The following FARS2 variants were observed in gnomAD, a reference collection of about 807,000 sequenced individuals.
The protein encoded by FARS2 is phenylalanyl-tRNA synthetase 2, mitochondrial, also known as phenylalanine--tRNA ligase, mitochondrial.
Under a neutral mutation model 46.4 loss-of-function variants are expected in FARS2, and 40 were observed. That is an observed-to-expected ratio of 0.86 (90% CI 0.67 to 1.12). The LOEUF (loss-of-function observed/expected upper bound fraction) is 1.12. Ranked by LOEUF, FARS2 falls within the 50% of genes most tolerant of loss-of-function variation. The pLI, the probability that FARS2 is intolerant of heterozygous loss-of-function variation, is 0.00. For missense variants in FARS2, 513 were observed against 567.9 expected (o/e 0.90, Z 0.98); for synonymous variants, 234 against 214.9 (o/e 1.09, Z -0.78).
intron 4 of FARS2, among the ~76,000 whole-genome samples, chr6:5,440,565 GA>G (rs558014512): frequency 6.0e-4 from 92 of 152,168 alleles, no homozygotes; most frequent in African/African-American, 2.2e-3. Flanking sequence ...AGGCACACTG[GA>G]AAAAAAGTAC....
Position 5,409,448 on chromosome 6 carries a change from C to CA in FARS2, c.772+4758dup, listed in dbSNP as rs879831031. 1.9e-3 allele frequency among the ~76,000 whole-genome samples: 266 copies of CA among 141,450 alleles called. 1 individual carries two copies. Among genetic ancestry groups the CA allele is most frequent in the South Asian group, 7.2e-3 (32 of 4,422 alleles). The allele number at this position is 141,450 out of a possible 152,430, so 92.8% of individuals were successfully genotyped here. ...CCTGGGCAACAGAGCGAGACTGACT[C>CA]AAAAAAAAAAAGAAACTTAAATTTT... On this transcript the variant is annotated intron_variant, in intron 3 of 6. Coordinates refer to ENST00000274680, the MANE Select transcript of FARS2 (RefSeq NM_006567.5).
intron 6 of FARS2, among the ~76,000 whole-genome samples, chr6:5,622,608 G>A (rs1314315134): frequency 6.6e-6 from 1 of 152,126 alleles, no homozygotes; most frequent in Non-Finnish European, 1.5e-5. Context: ...CTTCCACCTT[G>A]GGGAGGACAC....
intron 3 of FARS2, among the ~76,000 whole-genome samples, chr6:5,417,091 G>C (rs982625261): frequency 6.6e-6 from 1 of 152,178 alleles, no homozygotes; most frequent in Non-Finnish European, 1.5e-5. Flanking sequence ...CTTCTGCACA[G>C]CAGAAGGTCT....
At chr6:5,397,403 T>G (rs1014354181) in intron 2 of FARS2, among the ~76,000 whole-genome samples, 3 of 152,148 alleles carry the variant, frequency 2.0e-5, no homozygotes, top group Admixed American at 2.0e-4. Flanking sequence ...ACCCATAGAA[T>G]GTACAACTCC....
At chr6:5,500,661 A>C (rs2150380042) in intron 4 of FARS2, among the ~76,000 whole-genome samples, 1 of 152,316 alleles carries the variant, frequency 6.6e-6, no homozygotes, top group Non-Finnish European at 1.5e-5. Context: ...GGAGTTAGAC[A>C]AACCTAGGTT....
chr6:5,663,032 C>T (rs1014379892), intron 6 of FARS2, among the ~76,000 whole-genome samples: 1 of 152,156 alleles, frequency 6.6e-6, no homozygotes, highest in Admixed American at 6.5e-5. Flanking sequence ...GCTGCCTCCA[C>T]GTGTTGCAGT....
intron 4 of FARS2, among the ~76,000 whole-genome samples, chr6:5,526,742 G>T (rs147905053): frequency 8.4e-4 from 128 of 152,046 alleles, no homozygotes; most frequent in African/African-American, 3.0e-3. Context: ...TCAGTCTCCC[G>T]AGTAACTGGG....
At chr6:5,656,791 C>G (rs969233123) in intron 6 of FARS2, among the ~76,000 whole-genome samples, 1 of 152,158 alleles carries the variant, frequency 6.6e-6, no homozygotes, top group Non-Finnish European at 1.5e-5. Context: ...TCAAGTGATC[C>G]ACCCTCCTCG....
At chr6:5,337,498 T>G (rs1771244633) in intron 1 of FARS2, among the ~76,000 whole-genome samples, 1 of 152,168 alleles carries the variant, frequency 6.6e-6, no homozygotes, top group Non-Finnish European at 1.5e-5. Context: ...TCCAATTTTC[T>G]TTTGTGGTTT....
chr6:5,287,610 C>T (rs994399998), intron 1 of FARS2, among the ~76,000 whole-genome samples: 1 of 152,160 alleles, frequency 6.6e-6, no homozygotes, highest in Non-Finnish European at 1.5e-5. Context: ...AGCCCTTCCC[C>T]GTCCCACAGA....
At chr6:5,757,731 T>C (rs1176210154) in intron 6 of FARS2, among the ~76,000 whole-genome samples, 2 of 152,208 alleles carry the variant, frequency 1.3e-5, no homozygotes, top group Admixed American at 6.5e-5. Context: ...ATCTCTGCAA[T>C]AGGAGGTGAC....
intron 1 of FARS2, among the ~76,000 whole-genome samples, chr6:5,288,681 G>C (rs1057015942): frequency 2.0e-5 from 3 of 152,124 alleles, no homozygotes. Flanking sequence ...GCGGACTGGG[G>C]ACAAAATCCC....
rs75700993 is a variant in FARS2 at position 5,370,292 on chromosome 6, G to A, written c.612+1110G>A. On this transcript the variant is annotated intron_variant, in intron 2 of 6. Transcript: ENST00000274680. ...ACCTCTGGATGTGCTGTTCTTTTGC[G>A]ACTCTGTGATAATACAGTAATAGCT... 7.6e-3 allele frequency among the ~76,000 whole-genome samples: 1,145 copies of A among 151,530 alleles called. 8 individuals carry two copies. The highest frequency in any genetic ancestry group is 0.026 in the African/African-American group (1,054 of 41,294).
intron 4 of FARS2, among the ~76,000 whole-genome samples, chr6:5,510,733 G>T (rs1351108481): frequency 1.3e-5 from 2 of 152,198 alleles, no homozygotes; most frequent in Non-Finnish European, 2.9e-5. Context: ...AGTAGAACGG[G>T]TTCCCAGCCT....
At chr6:5,759,633 G>A (rs377028854) in intron 6 of FARS2, among the ~76,000 whole-genome samples, 38 of 152,210 alleles carry the variant, frequency 2.5e-4, no homozygotes, top group Non-Finnish European at 3.1e-4. Context: ...TGGTCCTGGC[G>A]TTTCCTAGCC....
intron 4 of FARS2, among the ~76,000 whole-genome samples, chr6:5,529,381 C>T (rs551901252): frequency 6.6e-6 from 1 of 152,276 alleles, no homozygotes; most frequent in South Asian, 2.1e-4. Flanking sequence ...AATCTCGGCG[C>T]ACTGCAACCT....
At chr6:5,686,873 G>T (rs1757272962) in intron 6 of FARS2, among the ~76,000 whole-genome samples, 2 of 152,180 alleles carry the variant, frequency 1.3e-5, no homozygotes, top group African/African-American at 4.8e-5. Flanking sequence ...GTTGTTTCCT[G>T]ACTTTTTAAT....
chr6:5,723,548 C>G (rs940526532), intron 6 of FARS2, among the ~76,000 whole-genome samples: 12 of 152,178 alleles, frequency 7.9e-5, no homozygotes, highest in African/African-American at 2.9e-4. Flanking sequence ...CTGTCACAAG[C>G]CTCTCAGTCA....
chr6:5,464,412 T>G (rs1468345949), intron 4 of FARS2, among the ~76,000 whole-genome samples: 1 of 152,214 alleles, frequency 6.6e-6, no homozygotes, highest in African/African-American at 2.4e-5. Flanking sequence ...ATTGGGAATC[T>G]TGGGCTGTCT....
Sources: allele counts gnomAD v4.1 joint callset (sites outside exome capture counted in the v4.1 genomes callset), GRCh38; gene constraint gnomAD v4.1.1; transcripts MANE v1.5; gene names NCBI Gene and HGNC (gene_info 2026-07-23, HGNC 2026-07-21).